Variants in GNB5 observed in about 807,000 individuals in gnomAD.
The protein encoded by GNB5 is guanine nucleotide-binding protein subunit beta-5.
Under a neutral mutation model 55.3 loss-of-function variants are expected in GNB5, and 37 were observed. The observed-to-expected ratio is 0.67, with a 90% CI of 0.51 to 0.88. The LOEUF is 0.88. Among genes scored for constraint, GNB5 ranks in the 40% least tolerant of loss-of-function variants. The pLI is 0.00. For synonymous variants in GNB5, 219 were observed against 198.5 expected, an observed-to-expected ratio of 1.10 and a Z score of -0.87; for missense variants, 476 against 515.3, an observed-to-expected ratio of 0.92 and a Z score of 0.74.
rs1237112817 is a variant in GNB5 at position 52,119,988 on chromosome 15, A to C, written c.*2769T>G. 2 of 152,486 alleles carry C rather than the reference A, an allele frequency of 1.3e-5. No homozygotes were observed. The highest frequency in any genetic ancestry group is 3.9e-4 in the East Asian group (2 of 5,192). The allele number at this position is 152,486 out of a possible 1,614,324, so 9.4% of individuals were successfully genotyped here. Reference sequence around the variant, plus strand: ...GCCCACCTCTGGCTCGCCTGGGAGAAGAGGGACGGCTGCCAGGGCCCCACC... The same window carrying C: ...GCCCACCTCTGGCTCGCCTGGGAGACGAGGGACGGCTGCCAGGGCCCCACC... On this transcript the variant is annotated 3_prime_UTR_variant, in exon 13 of 13. Coordinates refer to ENST00000261837, the MANE Select transcript of GNB5 (RefSeq NM_016194.4).
At chr15:52,190,186 C>T (rs1183146219) in intron 1 of GNB5, among the ~76,000 whole-genome samples, 1 of 149,940 alleles carries the variant, frequency 6.7e-6, no homozygotes, top group Non-Finnish European at 1.5e-5. Context: ...GGCGCAATCT[C>T]GGCTCACTGT....
At chr15:52,143,932 T>C (rs2033914669) in intron 6 of GNB5, 1 of 152,252 alleles carries the variant, frequency 6.6e-6, no homozygotes, top group East Asian at 1.9e-4. Flanking sequence ...GACCGCCACA[T>C]TTTGAAAAAT....
At chr15:52,143,713 A>G (rs1440842285) in intron 6 of GNB5, among the ~76,000 whole-genome samples, 2 of 152,216 alleles carry the variant, frequency 1.3e-5, no homozygotes. Flanking sequence ...AGAATGTGGC[A>G]TCGGTGTGGG....
intron 4 of GNB5, among the ~76,000 whole-genome samples, chr15:52,153,715 A>G (rs188362980): frequency 6.6e-6 from 1 of 152,318 alleles, no homozygotes; most frequent in East Asian, 1.9e-4. Context: ...GGTTCATCAT[A>G]TTGGTTACAT....
chr15:52,174,689 G>A (rs1197738803), intron 3 of GNB5, among the ~76,000 whole-genome samples: 2 of 152,042 alleles, frequency 1.3e-5, no homozygotes, highest in Non-Finnish European at 2.9e-5. Context: ...GCTACCTTAA[G>A]GCAAGAATTT....
At chr15:52,161,947 A>AAT (rs2034345042) in intron 3 of GNB5, among the ~76,000 whole-genome samples, 1 of 152,192 alleles carries the variant, frequency 6.6e-6, no homozygotes, top group Non-Finnish European at 1.5e-5. Flanking sequence ...CCAGAAGTCC[A>AAT]ATACGGAAAA....
At chr15:52,125,739 C>G in intron 11 of GNB5, 1 of 547,716 alleles carries the variant, frequency 1.8e-6, no homozygotes, top group Non-Finnish European at 3.3e-6. Context: ...ACACAGCCTT[C>G]ATTTCCCCCT....
chr15:52,152,132 G>T (rs943363099), intron 4 of GNB5, among the ~76,000 whole-genome samples: 2 of 150,004 alleles, frequency 1.3e-5, no homozygotes, highest in African/African-American at 4.9e-5. Flanking sequence ...GGTAATCTAG[G>T]AGAGTAATAA....
intron 9 of GNB5, among the ~76,000 whole-genome samples, chr15:52,130,039 C>G (rs2141187573): frequency 6.6e-6 from 1 of 152,312 alleles, no homozygotes; most frequent in South Asian, 2.1e-4. Context: ...AAGCGCAACT[C>G]TCCTCTACCA....
chr15:52,155,178 T>C, intron 3 of GNB5, among the ~76,000 whole-genome samples: 1 of 152,192 alleles, frequency 6.6e-6, no homozygotes, highest in East Asian at 1.9e-4. Context: ...CAGCTGGCCT[T>C]TCTCCAGGTA....
intron 2 of GNB5, among the ~76,000 whole-genome samples, chr15:52,183,710 A>G (rs2034806053): frequency 1.3e-5 from 2 of 152,034 alleles, no homozygotes; most frequent in African/African-American, 4.8e-5. Flanking sequence ...GGGATTTCCT[A>G]CTGGGCTTTT....
chr15:52,161,617 G>T (rs1050647166), intron 3 of GNB5, among the ~76,000 whole-genome samples: 33 of 152,226 alleles, frequency 2.2e-4, no homozygotes, highest in Non-Finnish European at 4.4e-5. Context: ...CTTCGAGGTA[G>T]CCAGATCAAT....
intron 6 of GNB5, among the ~76,000 whole-genome samples, chr15:52,144,823 G>T (rs2033935548): frequency 6.6e-6 from 1 of 152,162 alleles, no homozygotes; most frequent in Non-Finnish European, 1.5e-5. Flanking sequence ...TACTCTGCAT[G>T]TATTACCATA....
At chr15:52,176,837 T>G (rs568118140) in intron 3 of GNB5, among the ~76,000 whole-genome samples, 2 of 152,196 alleles carry the variant, frequency 1.3e-5, no homozygotes, top group South Asian at 4.1e-4. Flanking sequence ...CTCCAAGGGT[T>G]TCCCAACTCA....
At position 52,133,349 on chromosome 15, in the gene GNB5, G is replaced by A. The variant is rs376161798; in HGVS notation, c.863+29C>T. On this transcript the variant is annotated intron_variant, in intron 9 of 12. Coordinates refer to ENST00000261837, the MANE Select transcript of GNB5 (RefSeq NM_016194.4). ...AGCCAGGCAATGCCGGCAGAACAGA[G>A]AGGTGGCATGAACATTCTACTCACT... The A allele has an allele frequency of 9.2e-6, 13 of 1,406,072 alleles. No individual in the cohort carries two copies. In the African/African-American group the frequency reaches 1.8e-4, roughly 20 times the overall value. The allele number at this position is 1,406,072 out of a possible 1,614,324, so 87.1% of individuals were successfully genotyped here.
At chr15:52,158,060 T>A (rs1196213203) in intron 3 of GNB5, among the ~76,000 whole-genome samples, 1 of 152,054 alleles carries the variant, frequency 6.6e-6, no homozygotes, top group African/African-American at 2.4e-5. Context: ...GTTTCTATAA[T>A]AAGAATTTGC....
rs534545142 is a variant in GNB5, at chr15:52,145,302, T to C, written c.494+2157A>G. Among the ~76,000 whole-genome samples the C allele has an allele frequency of 5.9e-5, 9 of 152,116 alleles. No homozygotes were observed. In the South Asian group the frequency reaches 1.9e-3, roughly 31 times the overall value. On this transcript the variant is annotated intron_variant, in intron 6 of 12. Coordinates refer to ENST00000261837, the MANE Select transcript of GNB5 (RefSeq NM_016194.4). ...AATTTTATATAAATACTGGCATCCA[T>C]CTATAAAGTGGAGACACAATCCACT...
intron 3 of GNB5, among the ~76,000 whole-genome samples, chr15:52,166,743 AATC>A (rs565089969): frequency 6.4e-4 from 97 of 152,298 alleles, no homozygotes; most frequent in Middle Eastern, 3.4e-3. Context: ...AAAGATCTCA[AATC>A]AACAACCTAA....
chr15:52,177,159 C>A (rs2034668116), intron 3 of GNB5, among the ~76,000 whole-genome samples: 2 of 151,282 alleles, frequency 1.3e-5, no homozygotes, highest in South Asian at 4.2e-4. Context: ...CTCAGCCTCC[C>A]AAGTAGCTGA....
Sources: allele counts gnomAD v4.1 joint callset (sites outside exome capture counted in the v4.1 genomes callset), GRCh38; gene constraint gnomAD v4.1.1; transcripts MANE v1.5; gene names NCBI Gene and HGNC (gene_info 2026-07-23, HGNC 2026-07-21).